SLC14A2: variants seen among roughly 807,000 people sequenced by gnomAD.
SLC14A2 encodes the protein solute carrier family 14 member 2.
In SLC14A2, 91 loss-of-function variants were observed where a neutral mutation model predicts 104.6. That is an observed-to-expected ratio of 0.87 (90% CI 0.73 to 1.04). The LOEUF (loss-of-function observed/expected upper bound fraction) is 1.04, where lower values mean the gene tolerates loss of function less well. Among genes scored for constraint, SLC14A2 ranks in the 50% least tolerant of loss-of-function variants. The pLI, the probability that SLC14A2 is intolerant of heterozygous loss-of-function variation, is 0.00. For synonymous variants in SLC14A2, 476 were observed against 466.4 expected (o/e 1.02, Z -0.27); for missense variants, 1,189 against 1,156.0 (o/e 1.03, Z -0.41).
chr18:45,373,131 A>G (rs183422751), intron 1 of SLC14A2, among the ~76,000 whole-genome samples: 3 of 152,196 alleles, frequency 2.0e-5, no homozygotes, highest in Non-Finnish European at 4.4e-5. Context: ...CAGCTCCTCC[A>G]TAAGAACAGG....
At chr18:45,486,022 C>T (rs1411758233) in intron 2 of SLC14A2, among the ~76,000 whole-genome samples, 1 of 152,164 alleles carries the variant, frequency 6.6e-6, no homozygotes, top group Non-Finnish European at 1.5e-5. Context: ...CCCCTACTTT[C>T]TTAGGGAAAT....
intron 1 of SLC14A2, among the ~76,000 whole-genome samples, chr18:45,378,029 T>C (rs1000306096): frequency 3.3e-5 from 5 of 152,224 alleles, no homozygotes; most frequent in African/African-American, 4.8e-5. Context: ...TCTTTCAAAA[T>C]TCCTGTGAAA....
At chr18:45,601,332 G>A (rs1477087362) in intron 2 of SLC14A2, among the ~76,000 whole-genome samples, 1 of 152,196 alleles carries the variant, frequency 6.6e-6, no homozygotes, top group Non-Finnish European at 1.5e-5. Flanking sequence ...AGCCTTTAGT[G>A]TCTAGTGGGA....
At chr18:45,402,480 A>G (rs1004246394) in intron 1 of SLC14A2, among the ~76,000 whole-genome samples, 17 of 152,178 alleles carry the variant, frequency 1.1e-4, no homozygotes, top group South Asian at 2.1e-4. Context: ...TTAATTGTCC[A>G]TTTCTTTTCC....
intron 2 of SLC14A2, chr18:45,507,200 G>A (rs2043299911): frequency 6.6e-6 from 1 of 152,302 alleles, no homozygotes. Flanking sequence ...TAGGAGGGGA[G>A]GGTTCAAGTA....
intron 2 of SLC14A2, among the ~76,000 whole-genome samples, chr18:45,566,466 G>T (rs1006430285): frequency 2.0e-5 from 3 of 152,004 alleles, no homozygotes; most frequent in Admixed American, 6.6e-5. Flanking sequence ...CTGATGGCAG[G>T]CCTCTCCCTG....
At chr18:45,403,877 A>G (rs1372947126) in intron 1 of SLC14A2, among the ~76,000 whole-genome samples, 1 of 152,154 alleles carries the variant, frequency 6.6e-6, no homozygotes, top group Non-Finnish European at 1.5e-5. Flanking sequence ...AAGATAAAGG[A>G]CAAGCACTTC....
chr18:45,398,952 G>A (rs113226154), intron 1 of SLC14A2, among the ~76,000 whole-genome samples: 5,171 of 152,170 alleles, frequency 0.034, 294 homozygotes, highest in African/African-American at 0.12. Context: ...GTCATCGAAC[G>A]AACATTTAAA....
intron 1 of SLC14A2, among the ~76,000 whole-genome samples, chr18:45,470,800 T>G (rs545847159): frequency 6.6e-6 from 1 of 152,172 alleles, no homozygotes; most frequent in African/African-American, 2.4e-5. Context: ...TTTCTGCTAA[T>G]CTCAACCTTA....
At chr18:45,197,666 A>G in the SLC14A2 span, among the ~76,000 whole-genome samples, 1 of 152,192 alleles carries the variant, frequency 6.6e-6, no homozygotes, top group South Asian at 2.1e-4. Flanking sequence ...ACGCACTCCT[A>G]AGTCAAACCA....
chr18:45,372,912 C>T (rs1375454482), intron 1 of SLC14A2, among the ~76,000 whole-genome samples: 1 of 152,120 alleles, frequency 6.6e-6, no homozygotes, highest in East Asian at 1.9e-4. Context: ...AGATATTTTA[C>T]ATTCTTTTTT....
intron 1 of SLC14A2, among the ~76,000 whole-genome samples, chr18:45,326,675 G>T (rs2085237572): frequency 1.3e-5 from 2 of 152,168 alleles, no homozygotes; most frequent in South Asian, 4.1e-4. Flanking sequence ...CAGAGTGCTT[G>T]TCCTTGTGCT....
chr18:45,635,330 A>G (rs558420391), intron 5 of SLC14A2, among the ~76,000 whole-genome samples: 3 of 152,358 alleles, frequency 2.0e-5, no homozygotes, highest in African/African-American at 7.2e-5. Context: ...GAGAGAAAAT[A>G]TTCAAGACAG....
intron 1 of SLC14A2, among the ~76,000 whole-genome samples, chr18:45,380,995 C>T (rs377708472): frequency 2.0e-5 from 3 of 152,356 alleles, no homozygotes; most frequent in East Asian, 3.9e-4. Context: ...CAGCTCTAGT[C>T]TCCAGGATCT....
At chr18:45,663,364 T>C (rs1196644581) in intron 10 of SLC14A2, among the ~76,000 whole-genome samples, 1 of 152,216 alleles carries the variant, frequency 6.6e-6, no homozygotes, top group East Asian at 1.9e-4. Context: ...TAAACTGGTC[T>C]GAGGTGGAGC....
At chr18:45,429,535 C>T (rs536477442) in intron 1 of SLC14A2, among the ~76,000 whole-genome samples, 10 of 152,306 alleles carry the variant, frequency 6.6e-5, no homozygotes, top group African/African-American at 2.4e-4. Flanking sequence ...ACTTGATTCC[C>T]TGTTGTCAAA....
At chr18:45,483,270 G>A (rs2087531820) in exon 2 of SLC14A2, 1 of 152,128 alleles carries the variant, frequency 6.6e-6, no homozygotes, top group African/African-American at 2.4e-5. Flanking sequence ...CAACTAAGTA[G>A]AGATTCATAA....
At chr18:45,231,291 C>T (rs561872634) in intron 1 of SLC14A2, among the ~76,000 whole-genome samples, 1 of 152,210 alleles carries the variant, frequency 6.6e-6, no homozygotes, top group Non-Finnish European at 1.5e-5. Flanking sequence ...CAGCCTTGAC[C>T]TCCTGGGCTC....
chr18:45,632,149 G>T (rs58678812), intron 4 of SLC14A2, among the ~76,000 whole-genome samples: 103 of 5,096 alleles, frequency 0.02, no homozygotes, highest in South Asian at 0.071. Context: ...GTGTGTTTGT[G>T]TGTGTGTGTG....
Sources: gnomAD v4.1 joint callset for allele counts (sites outside exome capture counted in the v4.1 genomes callset) on GRCh38, gnomAD v4.1.1 for gene constraint, MANE v1.5 for transcripts, NCBI Gene and HGNC (gene_info 2026-07-23, HGNC 2026-07-21) for gene names.